SPATA22: variants seen among roughly 807,000 people sequenced by gnomAD.
SPATA22 encodes spermatogenesis-associated protein 22.
A neutral mutation model predicts 47.8 loss-of-function variants in SPATA22; 29 were observed. The observed-to-expected ratio is 0.61, with a 90% CI of 0.45 to 0.83. The LOEUF is 0.83. Ranked by LOEUF, SPATA22 falls within the 40% of genes least tolerant of loss-of-function variation. The probability of loss-of-function intolerance (pLI) is 0.00; values close to 1 mark genes in which losing one functional copy is unlikely to be tolerated. For missense variants in SPATA22, 410 were observed against 421.7 expected (o/e 0.97, Z 0.24); for synonymous variants, 133 against 140.9 (o/e 0.94, Z 0.40).
chr17:3,473,373 C>T (rs1044115141), upstream of SPATA22, among the ~76,000 whole-genome samples: 12 of 152,124 alleles, frequency 7.9e-5, no homozygotes, highest in African/African-American at 2.9e-4. Context: ...AACAAAAAAC[C>T]CTTCTTATCC....
chr17:3,440,078 A>G lies in SPATA22; in HGVS notation c.*69T>C. 2 of 1,002,426 alleles carry G rather than the reference A, an allele frequency of 2.0e-6. No individual in the cohort carries two copies. Among genetic ancestry groups the G allele is most frequent in the Non-Finnish European group, 2.8e-6 (2 of 709,262 alleles). The allele number at this position is 1,002,426 out of a possible 1,614,324, so 62.1% of individuals were successfully genotyped here. A position where few individuals can be genotyped will look rare whatever the true frequency, so the allele number is the denominator to read the frequency against. On this transcript the variant is annotated 3_prime_UTR_variant, in exon 9 of 9. Transcript: ENST00000572969. ...GAAATACAATAGTAGCTATAAAACT[A>G]TGGAGATGGTAAATTAAGCAATAAC...
chr17:3,482,731 G>A (rs1277568777), intron 1 of SPATA22, among the ~76,000 whole-genome samples: 1 of 151,504 alleles, frequency 6.6e-6, no homozygotes, highest in Non-Finnish European at 1.5e-5. Context: ...ACAGTAACTG[G>A]GTAGTGGTCC....
At chr17:3,443,028 A>C (rs1251986571) in intron 8 of SPATA22, 146 bp downstream of exon 8, 3 of 608,542 alleles carry the variant, frequency 4.9e-6, no homozygotes, top group African/African-American at 1.9e-5. Flanking sequence ...TCTATATTAT[A>C]AAAATAAACA....
intron 2 of SPATA22, chr17:3,468,829 A>C: frequency 2.8e-6 from 2 of 721,988 alleles, no homozygotes; most frequent in Non-Finnish European, 3.4e-6. Flanking sequence ...CATAAATAAT[A>C]GTTACTATTA....
In SPATA22 at chr17:3,488,758, T is replaced by C. The variant is rs947251986; in HGVS notation, c.-73-19360A>G. Among the ~76,000 whole-genome samples, 2 of 152,220 alleles carry C rather than the reference T, an allele frequency of 1.3e-5. No individual in the cohort carries two copies. The highest frequency in any genetic ancestry group is 6.5e-5 in the Admixed American group (1 of 15,278). ...CTCAAGGGTCACATAGATTGTCATA[T>C]TGACTGAAATCCATGATTCATCTAG... is the stretch of plus-strand genomic sequence containing the variant. On this transcript the variant is annotated intron_variant, in intron 1 of 8. Transcript: ENST00000541913. This position sits in a 1 kb window ranked among gnomAD's most constrained non-coding sequence, Gnocchi z 6.1.
intron 7 of SPATA22, among the ~76,000 whole-genome samples, chr17:3,444,572 T>G (rs980259899): frequency 3.3e-5 from 5 of 152,050 alleles, no homozygotes; most frequent in African/African-American, 1.2e-4. Flanking sequence ...AGCCTTAAGA[T>G]GAAGCCAACG....
intron 5 of SPATA22, among the ~76,000 whole-genome samples, chr17:3,458,744 G>A (rs1291872674): frequency 6.6e-6 from 1 of 151,070 alleles, no homozygotes; most frequent in African/African-American, 2.4e-5. Flanking sequence ...GAGAGGCTGA[G>A]GCAGGAGAAT....
At chr17:3,513,833 C>G in exon 1 of SPATA22, 1 of 1,199,246 alleles carries the variant, frequency 8.3e-7, no homozygotes, top group Non-Finnish European at 1.2e-6. Context: ...ACTCCACCAT[C>G]CCTCAAAGCC....
intron 1 of SPATA22, among the ~76,000 whole-genome samples, chr17:3,497,304 T>C (rs994757402): frequency 4.6e-5 from 7 of 152,026 alleles, no homozygotes; most frequent in African/African-American, 1.7e-4. Context: ...TTCAGAGAAA[T>C]AGTTCTCAGC....
intron 1 of SPATA22, among the ~76,000 whole-genome samples, chr17:3,493,236 C>G (rs993707474): frequency 6.6e-6 from 1 of 152,162 alleles, no homozygotes; most frequent in Non-Finnish European, 1.5e-5. Flanking sequence ...GATCTCATTA[C>G]TCAGGAGCTG....
intron 7 of SPATA22, among the ~76,000 whole-genome samples, chr17:3,444,822 A>G (rs1170369134): frequency 6.6e-6 from 1 of 152,114 alleles, no homozygotes; most frequent in Non-Finnish European, 1.5e-5. Flanking sequence ...GCTAGACACT[A>G]AAGTGTAGTA....
rs572926140 is a variant in SPATA22 at position 3,471,728 on chromosome 17, GC to G, written c.-121del. On this transcript the variant is annotated 5_prime_UTR_variant, in exon 1 of 9. Coordinates refer to ENST00000572969, the MANE Select transcript of SPATA22 (RefSeq NM_001170698.2). ...CCTGCCAACACGACACACAACTTTC[GC>G]CCTCAGTTTCCCTCGCCTCCGTCAA... 70 of 985,468 alleles carry G rather than the reference GC, an allele frequency of 7.1e-5. No individual in the cohort carries two copies. In the African/African-American group the frequency reaches 1.2e-3, roughly 16 times the overall value. 61.0% of individuals were successfully genotyped at this position (985,468 alleles called of 1,614,324 possible).
intron 5 of SPATA22, among the ~76,000 whole-genome samples, chr17:3,460,172 A>G (rs1042505747): frequency 6.6e-6 from 1 of 152,184 alleles, no homozygotes; most frequent in African/African-American, 2.4e-5. Flanking sequence ...AATACATCAG[A>G]ACTGTGTGTT....
At chr17:3,483,159 A>G (rs913634194) in intron 1 of SPATA22, among the ~76,000 whole-genome samples, 3 of 152,176 alleles carry the variant, frequency 2.0e-5, no homozygotes, top group African/African-American at 4.8e-5. Flanking sequence ...ATACCAAGCT[A>G]AATAGTTAGT....
intron 1 of SPATA22, chr17:3,502,642 CA>C (rs2074004526): frequency 6.6e-6 from 1 of 152,204 alleles, no homozygotes; most frequent in South Asian, 2.1e-4. Flanking sequence ...GCCCTTTGTC[CA>C]CAAACAGTAA....
At chr17:3,507,163 T>G (rs1487189391) in intron 1 of SPATA22, among the ~76,000 whole-genome samples, 6 of 152,174 alleles carry the variant, frequency 3.9e-5, no homozygotes, top group Non-Finnish European at 8.8e-5. Context: ...CTACTACAGC[T>G]ATTGATATGG....
exon 1 of SPATA22, chr17:3,513,664 T>C: frequency 2.5e-6 from 1 of 404,296 alleles, no homozygotes; most frequent in Non-Finnish European, 4.4e-6. Context: ...GCTCCCAGGC[T>C]CCAGACTGCT....
chr17:3,441,670 A>T (rs1213136172), intron 8 of SPATA22: 1 of 152,084 alleles, frequency 6.6e-6, no homozygotes, highest in Non-Finnish European at 1.5e-5. Context: ...ATCAAACAGA[A>T]ATACATGCAA....
At chr17:3,508,665 C>T (rs1170923289) in intron 1 of SPATA22, among the ~76,000 whole-genome samples, 1 of 141,786 alleles carries the variant, frequency 7.1e-6, no homozygotes, top group Non-Finnish European at 1.5e-5. Flanking sequence ...AAACCAAACA[C>T]CGCATGTTCT....
Sources: gnomAD v4.1 joint callset for allele counts (sites outside exome capture counted in the v4.1 genomes callset) on GRCh38, gnomAD v4.1.1 for gene constraint, Gnocchi (gnomAD v3.1) non-coding constraint, MANE v1.5 for transcripts, NCBI Gene and HGNC (gene_info 2026-07-23, HGNC 2026-07-21) for gene names.